The following TMEM132D variants were observed in gnomAD, a reference collection of about 807,000 sequenced individuals.
The protein encoded by TMEM132D is transmembrane protein 132D, also known as mature OL transmembrane protein.
TMEM132D carries 21 observed loss-of-function variants against 62.3 expected under a neutral mutation model. That is an observed-to-expected ratio of 0.34 (90% CI 0.24 to 0.49). The LOEUF is 0.49. Ranked by LOEUF, TMEM132D falls within the 20% of genes least tolerant of loss-of-function variation. The pLI is 0.99. For missense variants in TMEM132D, 1,346 were observed against 1,402.8 expected, an observed-to-expected ratio of 0.96 and a Z score of 0.65; for synonymous variants, 621 against 575.6, an observed-to-expected ratio of 1.08 and a Z score of -1.13.
At chr12:129,419,835 G>A (rs899188282) in intron 3 of TMEM132D, among the ~76,000 whole-genome samples, 1 of 145,120 alleles carries the variant, frequency 6.9e-6, no homozygotes, top group Non-Finnish European at 1.5e-5. Flanking sequence ...GGCAAGTTAT[G>A]TTTAGAGATT....
chr12:129,292,322 A>T (rs908343247), intron 4 of TMEM132D, among the ~76,000 whole-genome samples: 2 of 152,236 alleles, frequency 1.3e-5, no homozygotes, highest in African/African-American at 4.8e-5. Context: ...CAATGGAAGA[A>T]GCCCATTAGC....
intron 4 of TMEM132D, among the ~76,000 whole-genome samples, chr12:129,257,804 G>A (rs374534885): frequency 2.6e-5 from 4 of 152,214 alleles, no homozygotes; most frequent in African/African-American, 7.2e-5. Flanking sequence ...AATACCACGT[G>A]GGGAGATGCT....
intron 1 of TMEM132D, among the ~76,000 whole-genome samples, chr12:129,745,144 C>G (rs1301715107): frequency 1.3e-5 from 2 of 152,096 alleles, no homozygotes; most frequent in African/African-American, 4.8e-5. Flanking sequence ...AACTGTGAGT[C>G]AATTAAATCT....
chr12:129,764,810 A>G (rs1870499728), intron 1 of TMEM132D, among the ~76,000 whole-genome samples: 1 of 152,080 alleles, frequency 6.6e-6, no homozygotes, highest in Non-Finnish European at 1.5e-5. Flanking sequence ...GTGTGGTGAT[A>G]CAAGCATATA....
chr12:129,256,156 T>C (rs1880394258), intron 4 of TMEM132D, among the ~76,000 whole-genome samples: 1 of 152,138 alleles, frequency 6.6e-6, no homozygotes, highest in African/African-American at 2.4e-5. Flanking sequence ...CTCAGCTCAC[T>C]GCAACCTCCG....
intron 3 of TMEM132D, among the ~76,000 whole-genome samples, chr12:129,430,173 G>A (rs1457846291): frequency 3.9e-5 from 6 of 152,084 alleles, no homozygotes; most frequent in African/African-American, 7.2e-5. Context: ...CTTCCACAAT[G>A]GTTGAACTAG....
chr12:129,470,035 A>G (rs1288884915), intron 3 of TMEM132D, among the ~76,000 whole-genome samples: 1 of 152,192 alleles, frequency 6.6e-6, no homozygotes, highest in African/African-American at 2.4e-5. Context: ...GCCTGTGTAC[A>G]GTATGTGAAT....
chr12:129,858,889 TATAAC>T (rs1873780899), intron 1 of TMEM132D, among the ~76,000 whole-genome samples: 1 of 114,710 alleles, frequency 8.7e-6, no homozygotes, highest in Non-Finnish European at 1.8e-5. Context: ...TGGGTGCCCT[TATAAC>T]AGAGTCCGGG....
chr12:129,591,743 C>T (rs1307319788), intron 2 of TMEM132D, among the ~76,000 whole-genome samples: 1 of 151,804 alleles, frequency 6.6e-6, no homozygotes, highest in Non-Finnish European at 1.5e-5. Context: ...GGATTATTTG[C>T]AAATACATTA....
chr12:129,533,643 C>T (rs1045584946), intron 2 of TMEM132D, among the ~76,000 whole-genome samples: 2 of 152,186 alleles, frequency 1.3e-5, no homozygotes, highest in African/African-American at 4.8e-5. Context: ...GAATCCTTTT[C>T]AAGTTCTTAA....
At chr12:129,734,316 C>G (rs1869349674) in intron 1 of TMEM132D, among the ~76,000 whole-genome samples, 1 of 152,170 alleles carries the variant, frequency 6.6e-6, no homozygotes, top group East Asian at 1.9e-4. Flanking sequence ...TTTTGGTGTT[C>G]CAGCTCCTCA....
intron 3 of TMEM132D, among the ~76,000 whole-genome samples, chr12:129,504,321 T>C (rs1170409603): frequency 6.6e-6 from 1 of 152,262 alleles, no homozygotes; most frequent in Non-Finnish European, 1.5e-5. Context: ...GTAGGATTGA[T>C]ACCAATTCTT....
At chr12:129,549,623 A>G (rs911493376) in intron 2 of TMEM132D, among the ~76,000 whole-genome samples, 1 of 152,132 alleles carries the variant, frequency 6.6e-6, no homozygotes, top group African/African-American at 2.4e-5. Flanking sequence ...CTTTTTCTTT[A>G]TAAATTACCC....
At chr12:129,157,809 A>G (rs751037806) in intron 5 of TMEM132D, among the ~76,000 whole-genome samples, 4 of 152,212 alleles carry the variant, frequency 2.6e-5, no homozygotes, top group Non-Finnish European at 5.9e-5. Flanking sequence ...AATTTATGAC[A>G]TATATAATTT....
At chr12:129,781,250 T>C (rs1165981126) in intron 1 of TMEM132D, among the ~76,000 whole-genome samples, 3 of 152,136 alleles carry the variant, frequency 2.0e-5, no homozygotes, top group Non-Finnish European at 4.4e-5. Context: ...TCTGTCTTAA[T>C]CTATGGTTGC....
chr12:129,860,646 C>G (rs1873864250), intron 1 of TMEM132D, among the ~76,000 whole-genome samples: 1 of 152,104 alleles, frequency 6.6e-6, no homozygotes, highest in Admixed American at 6.5e-5. Context: ...CTGTATTAGT[C>G]CATTCTCACG....
At chr12:129,570,955 G>A (rs1877495273) in intron 2 of TMEM132D, among the ~76,000 whole-genome samples, 1 of 152,152 alleles carries the variant, frequency 6.6e-6, no homozygotes, top group African/African-American at 2.4e-5. Flanking sequence ...CACATAGCCA[G>A]GGACAGGACG....
chr12:129,443,957 T>C (rs1207290086), intron 3 of TMEM132D, among the ~76,000 whole-genome samples: 1 of 152,092 alleles, frequency 6.6e-6, no homozygotes, highest in Non-Finnish European at 1.5e-5. Flanking sequence ...TACAATAAGG[T>C]CACACACCTA....
intron 1 of TMEM132D, among the ~76,000 whole-genome samples, chr12:129,832,053 T>G (rs112298780): frequency 3.2e-5 from 4 of 125,028 alleles, no homozygotes; most frequent in Non-Finnish European, 7.1e-5. Flanking sequence ...TTTTTTTTTT[T>G]TTTTTTTTGT....
Sources: allele counts gnomAD v4.1 joint callset (sites outside exome capture counted in the v4.1 genomes callset), GRCh38; gene constraint gnomAD v4.1.1; transcripts MANE v1.5; gene names NCBI Gene and HGNC (gene_info 2026-07-23, HGNC 2026-07-21).